Variants in UTP20 observed in about 807,000 individuals in gnomAD.
The protein encoded by UTP20 is small subunit processome component 20 homolog.
In UTP20, 164 loss-of-function variants were observed where a neutral mutation model predicts 329.5. The ratio of observed to expected loss-of-function variants is 0.50; its 90% CI spans 0.44 to 0.57. UTP20 has a LOEUF of 0.57. Ranked by LOEUF, UTP20 falls within the 20% of genes least tolerant of loss-of-function variation. The probability of loss-of-function intolerance (pLI) is 0.00; values close to 1 mark genes in which losing one functional copy is unlikely to be tolerated. For synonymous variants in UTP20, 1,151 were observed against 1,159.3 expected, an observed-to-expected ratio of 0.99 and a Z score of 0.14; for missense variants, 3,055 against 3,284.2, an observed-to-expected ratio of 0.93 and a Z score of 1.71.
chr12:101,362,528 ACCCCG>A lies in UTP20; in HGVS notation c.5790+469_5790+473del, dbSNP rs1869961759. Among the ~76,000 whole-genome samples, 2 of 101,942 alleles carry A rather than the reference ACCCCG, an allele frequency of 2.0e-5. 1 individual carries two copies. Among genetic ancestry groups the A allele is most frequent in the African/African-American group, 2.7e-4 (2 of 7,480 alleles). 66.9% of individuals were successfully genotyped at this position (101,942 alleles called of 152,430 possible). On this transcript the variant is annotated intron_variant, in intron 44 of 61. Coordinates refer to ENST00000261637, the MANE Select transcript of UTP20 (RefSeq NM_014503.3). ...AGACCAGCCTGGCCAACATGGTGAA[ACCCCG>A]TCTCTAAGAAAAATACAAAAACTAG...
In UTP20 at chr12:101,354,796, T is replaced by A. The variant is rs780182408; in HGVS notation, c.5108-36T>A. The A allele has an allele frequency of 1.5e-5, 24 of 1,583,430 alleles. 1 individual carries two copies. The South Asian group carries it at 2.8e-4, about 18-fold the overall frequency. ...ACCACAACTGTGTGGTTTCATTATTTGCTTTAAGGTGACTTTTGTTGTTTA... is the reference window on the plus strand; with the variant it reads ...ACCACAACTGTGTGGTTTCATTATTAGCTTTAAGGTGACTTTTGTTGTTTA... On this transcript the variant is annotated intron_variant, in intron 40 of 61. Coordinates refer to ENST00000261637, the MANE Select transcript of UTP20 (RefSeq NM_014503.3).
chr12:101,376,961 C>T (rs1870495328), intron 56 of UTP20, among the ~76,000 whole-genome samples: 1 of 151,268 alleles, frequency 6.6e-6, no homozygotes, highest in African/African-American at 2.4e-5. Context: ...TTTTGTATTT[C>T]TGTAGAGACA....
intron 58 of UTP20, among the ~76,000 whole-genome samples, chr12:101,382,250 C>A (rs1351710736): frequency 6.7e-6 from 1 of 149,076 alleles, no homozygotes; most frequent in South Asian, 2.1e-4. Context: ...ACTAAAAATA[C>A]AAAAATTAGC....
chr12:101,303,102 C>G (rs556835661), intron 15 of UTP20, among the ~76,000 whole-genome samples: 1 of 152,182 alleles, frequency 6.6e-6, no homozygotes, highest in Non-Finnish European at 1.5e-5. Context: ...AAAGGTCAAG[C>G]CTTGCTGCTT....
chr12:101,385,518 TTTG>T, intron 60 of UTP20, 62 bp from the exon 61 acceptor site: 1 of 1,532,812 alleles, frequency 6.5e-7, no homozygotes, highest in East Asian at 2.3e-5. Flanking sequence ...TATTGTTGAT[TTTG>T]TTGATGTTCA....
chr12:101,353,527 ATAAG>A (rs1245762259), intron 40 of UTP20, among the ~76,000 whole-genome samples: 1 of 152,196 alleles, frequency 6.6e-6, no homozygotes, highest in Non-Finnish European at 1.5e-5. Context: ...CTAAAAATAA[ATAAG>A]TATTTGAAAA....
At position 101,306,725 on chromosome 12, in the gene UTP20, A is replaced by C. The variant is rs1363103397; in HGVS notation, c.1959A>C (p.Leu653=). 1.9e-6 allele frequency: 3 copies of C among 1,607,104 alleles called. No individual in the cohort carries two copies. The highest frequency in any genetic ancestry group is 2.2e-5 in the East Asian group (1 of 44,716). The change falls in exon 17 of 62, where the codon CTA becomes CTC. Residue 653 remains leucine, a synonymous_variant. Transcript: ENST00000261637. The part of the protein sequence containing the change: ...SKIRLLTIRI[L]NHFDVQLPES... The stretch of plus-strand genomic sequence containing the variant: ...TTCGGCTTTTGACAATAAGGATCCT[A>C]AACCATTTTGATGTCCAGCTTCCAG...
chr12:101,317,695 C>A, intron 22 of UTP20, 32 bp downstream of exon 22: 3 of 1,575,046 alleles, frequency 1.9e-6, no homozygotes, highest in Non-Finnish European at 1.7e-6. Flanking sequence ...GATCACAGAT[C>A]CACAGTTCTG....
chr12:101,363,650 A>G lies in UTP20; in HGVS notation c.5865A>G (p.Glu1955=). 1.2e-6 allele frequency: 2 copies of G among 1,614,092 alleles called. No individual in the cohort carries two copies. The highest frequency in any genetic ancestry group is 2.2e-5 in the East Asian group (1 of 44,880). ...EVKQILSKVM[E]ARRSKSYDSY... is the part of the protein sequence containing the mutation. ...AGCAGATCCTCTCCAAAGTCATGGA[A>G]GCACGAAGAAGCAAAAGTTACGACT... Residue 1955 remains glutamate (E), a synonymous_variant, in exon 45 of 62, where the codon GAA becomes GAG. Coordinates refer to ENST00000261637, the MANE Select transcript of UTP20 (RefSeq NM_014503.3).
In UTP20 at chr12:101,309,773, G is replaced by A. The variant is rs1377258496; in HGVS notation, c.2165G>A (p.Arg722His). Residue 722 changes from arginine to histidine, a missense_variant, in exon 19 of 62, where the codon CGT (arginine) becomes CAT (histidine). Physicochemically the swap from Arg to His is conservative, Grantham distance 29 (BLOSUM62 0). Around this residue, in one of 3 missense-constraint regions of UTP20, gnomAD observed 2,445 missense variants for 2,575.5 expected, o/e 0.95. Coordinates refer to ENST00000261637, the MANE Select transcript of UTP20 (RefSeq NM_014503.3). ...PDGPLQEVPLRYLLGMLYINF... is the reference protein window; with the variant it reads ...PDGPLQEVPLHYLLGMLYINF... The stretch of plus-strand genomic sequence containing the variant: ...CTTTTGTAATTGCAGGTGCCGCTTC[G>A]TTATTTGTTAGGCATGCTATATATT... The A allele has an allele frequency of 5.0e-6, 8 of 1,613,586 alleles. No homozygotes were observed. Among genetic ancestry groups the A allele is most frequent in the East Asian group, 2.2e-5 (1 of 44,838 alleles).
chr12:101,333,656 A>G (rs1345603126), intron 28 of UTP20, among the ~76,000 whole-genome samples: 1 of 152,052 alleles, frequency 6.6e-6, no homozygotes, highest in Non-Finnish European at 1.5e-5. Flanking sequence ...TGGCATTTAC[A>G]CTTAAGGCTC....
At position 101,285,864 on chromosome 12, in the gene UTP20, C is replaced by T. The variant is rs1463035541; in HGVS notation, c.309C>T (p.Ala103=). 7 of 1,613,688 alleles carry T rather than the reference C, an allele frequency of 4.3e-6. No homozygotes were observed. The highest frequency in any genetic ancestry group is 5.9e-6 in the Non-Finnish European group (7 of 1,179,812). The part of the protein sequence containing the change: ...KTHLQVKNSF[A]YQPLLDLVVQ... ...ACCTGCAAGTTAAGAACAGTTTTGC[C>T]TATCAACCCCTTTTGGAGTAAGTAG... The change falls in exon 4 of 62, where the codon GCC becomes GCT. Residue 103 remains alanine (A), a synonymous_variant. Coordinates refer to ENST00000261637, the MANE Select transcript of UTP20 (RefSeq NM_014503.3).
intron 32 of UTP20, among the ~76,000 whole-genome samples, chr12:101,342,142 G>C (rs1004454695): frequency 6.6e-6 from 1 of 151,886 alleles, no homozygotes; most frequent in African/African-American, 2.4e-5. Context: ...GGATACCGAG[G>C]GACGACTGTA....
At chr12:101,308,588 C>T (rs1159166780) in intron 18 of UTP20, among the ~76,000 whole-genome samples, 1 of 151,790 alleles carries the variant, frequency 6.6e-6, no homozygotes, top group Non-Finnish European at 1.5e-5. Context: ...ATGTTAGTAC[C>T]TTTTTAGAAA....
At chr12:101,363,848 A>G in intron 45 of UTP20, 105 bp downstream of exon 45, 1 of 762,216 alleles carries the variant, frequency 1.3e-6, no homozygotes, top group Non-Finnish European at 2.2e-6. Flanking sequence ...ATCACCCATG[A>G]TTTCCTTTGG....
At chr12:101,283,845 G>A (rs556827019) in intron 2 of UTP20, among the ~76,000 whole-genome samples, 2 of 152,110 alleles carry the variant, frequency 1.3e-5, no homozygotes, top group South Asian at 4.2e-4. Context: ...ATTGTCCCCA[G>A]CCTAAAACAA....
At position 101,346,074 on chromosome 12, in the gene UTP20, G is replaced by A. The variant is rs3782849; in HGVS notation, c.4747-377G>A. ...ATCTTTGTCTTTTTTTTTTTGAGATGGAGTTTCGCTCTTGTTGCCCAGGCT... is the reference window on the plus strand; with the variant it reads ...ATCTTTGTCTTTTTTTTTTTGAGATAGAGTTTCGCTCTTGTTGCCCAGGCT... On this transcript the variant is annotated intron_variant, in intron 37 of 61. Transcript: ENST00000261637. Among the ~76,000 whole-genome samples, 1,480 of 150,988 alleles carry A rather than the reference G, an allele frequency of 9.8e-3. 22 individuals are homozygous for A. The highest frequency in any genetic ancestry group is 0.081 in the East Asian group (416 of 5,150).
rs756543556 is a variant in UTP20 at position 101,291,995 on chromosome 12, C to T, written c.1064C>T (p.Ala355Val). The T allele has an allele frequency of 1.2e-6, 2 of 1,613,548 alleles. No individual in the cohort carries two copies. The highest frequency in any genetic ancestry group is 1.7e-6 in the Non-Finnish European group (2 of 1,179,840). ...CKVLSQTLQV[A>V]SLSTSCWETL... is the part of the protein sequence containing the mutation. ...GTGTTATCTCAAACACTGCAAGTAG[C>T]CAGTCTCTCCACATCTTGCTGGGAG... Residue 355 changes from alanine to valine, a missense_variant, in exon 10 of 62, where the codon GCC (alanine) becomes GTC (valine). Physicochemically the swap from Ala to Val is moderately conservative, Grantham distance 64 (BLOSUM62 0). This residue lies in a region of UTP20 where 2,445 missense variants were observed against 2,575.5 expected (regional missense o/e 0.95). Coordinates refer to ENST00000261637, the MANE Select transcript of UTP20 (RefSeq NM_014503.3).
At chr12:101,325,285 C>A (rs934631126) in intron 25 of UTP20, among the ~76,000 whole-genome samples, 2 of 152,228 alleles carry the variant, frequency 1.3e-5, no homozygotes, top group Non-Finnish European at 1.5e-5. Flanking sequence ...AGAAGACATG[C>A]CAGCTGACAT....
Sources: allele counts gnomAD v4.1 joint callset (sites outside exome capture counted in the v4.1 genomes callset), GRCh38; gene constraint gnomAD v4.1.1; regional missense constraint gnomAD v4.1.1; transcripts MANE v1.5; gene names NCBI Gene and HGNC (gene_info 2026-07-23, HGNC 2026-07-21).